SLC2A9: variants seen among roughly 807,000 people sequenced by gnomAD.
The protein encoded by SLC2A9 is solute carrier family 2 member 9.
Under a neutral mutation model 50.6 loss-of-function variants are expected in SLC2A9, and 39 were observed. The observed-to-expected ratio is 0.77, with a 90% confidence interval of 0.60 to 1.01. The LOEUF (loss-of-function observed/expected upper bound fraction) is 1.01, where lower values mean the gene tolerates loss of function less well. Ranked by LOEUF, SLC2A9 falls within the 50% of genes least tolerant of loss-of-function variation. The pLI is 0.00. For missense variants in SLC2A9, 686 were observed against 677.6 expected, an observed-to-expected ratio of 1.01 and a Z score of -0.14; for synonymous variants, 324 against 276.9, an observed-to-expected ratio of 1.17 and a Z score of -1.69.
chr4:9,993,136 T>C (rs1758002315), intron 3 of SLC2A9, among the ~76,000 whole-genome samples: 1 of 152,178 alleles, frequency 6.6e-6, no homozygotes, highest in South Asian at 2.1e-4. Context: ...TCAAAAATGT[T>C]TGTTTGGATA....
intron 8 of SLC2A9, among the ~76,000 whole-genome samples, chr4:9,898,743 C>T (rs1739049244): frequency 6.6e-6 from 1 of 152,174 alleles, no homozygotes; most frequent in African/African-American, 2.4e-5. Flanking sequence ...GCGCAGGGGC[C>T]CTAGAAGCCT....
At chr4:9,929,338 T>C (rs881971) in intron 6 of SLC2A9, among the ~76,000 whole-genome samples, 79,318 of 152,040 alleles carry the variant, frequency 0.52, 22,391 homozygotes, top group African/African-American at 0.73. Flanking sequence ...AGGTGCATCT[T>C]GGGGAGACTT....
intron 2 of SLC2A9, among the ~76,000 whole-genome samples, chr4:10,001,987 C>T (rs1010188710): frequency 2.0e-5 from 3 of 152,222 alleles, no homozygotes; most frequent in African/African-American, 4.8e-5. Flanking sequence ...GATGCTGGAA[C>T]TTTGATCAAG....
intron 3 of SLC2A9, among the ~76,000 whole-genome samples, chr4:9,990,821 A>G (rs1757574747): frequency 6.6e-6 from 1 of 152,118 alleles, no homozygotes; most frequent in Non-Finnish European, 1.5e-5. Flanking sequence ...TCCTTCTTCC[A>G]GAGTTCTTGC....
chr4:9,925,431 G>A (rs1744723621), intron 6 of SLC2A9, among the ~76,000 whole-genome samples: 1 of 152,192 alleles, frequency 6.6e-6, no homozygotes, highest in South Asian at 2.1e-4. Context: ...CCATTTAAGG[G>A]ATGCTGTGTT....
chr4:9,858,385 T>G (rs1471750727), intron 10 of SLC2A9, among the ~76,000 whole-genome samples: 2 of 152,246 alleles, frequency 1.3e-5, no homozygotes, highest in African/African-American at 2.4e-5. Flanking sequence ...GATGTTTCCA[T>G]GCATGCACTT....
At chr4:9,943,870 T>C (rs370586133) in intron 5 of SLC2A9, among the ~76,000 whole-genome samples, 13 of 152,242 alleles carry the variant, frequency 8.5e-5, no homozygotes, top group African/African-American at 3.1e-4. Context: ...ATGTGAGCCC[T>C]TCCCATGGCT....
intron 11 of SLC2A9, among the ~76,000 whole-genome samples, chr4:9,827,811 A>T (rs1048612953): frequency 6.6e-6 from 1 of 152,040 alleles, no homozygotes; most frequent in Non-Finnish European, 1.5e-5. Flanking sequence ...GAGAAGGGGG[A>T]GAGTATGGGC....
At chr4:9,814,276 G>C (rs1723269425) in intron 3 of SLC2A9, among the ~76,000 whole-genome samples, 1 of 152,206 alleles carries the variant, frequency 6.6e-6, no homozygotes, top group Admixed American at 6.5e-5. Context: ...CTTGAAGGTA[G>C]GTATTTGTTT....
chr4:9,820,946 T>G (rs1724311441), intron 3 of SLC2A9, among the ~76,000 whole-genome samples: 2 of 152,232 alleles, frequency 1.3e-5, no homozygotes, highest in African/African-American at 4.8e-5. Context: ...TTACACTGAC[T>G]TGAACTTCCA....
intron 10 of SLC2A9, among the ~76,000 whole-genome samples, chr4:9,881,550 G>A (rs1462050305): frequency 1.3e-5 from 2 of 152,186 alleles, no homozygotes; most frequent in African/African-American, 4.8e-5. Flanking sequence ...AAGTTAGAAA[G>A]AAAATATATT....
intron 10 of SLC2A9, among the ~76,000 whole-genome samples, chr4:9,877,294 C>G (rs1174529205): frequency 6.6e-6 from 1 of 152,206 alleles, no homozygotes; most frequent in Non-Finnish European, 1.5e-5. Flanking sequence ...CCATCCCAGG[C>G]AGGGAGACCT....
At chr4:10,029,570 T>TTTTATTTTA (rs1560510239) in intron 1 of SLC2A9, among the ~76,000 whole-genome samples, 23 of 122,542 alleles carry the variant, frequency 1.9e-4, no homozygotes, top group Non-Finnish European at 3.5e-4. Context: ...ATTTTATTTA[T>TTTTATTTTA]TTTATATTTT....
downstream of SLC2A9, among the ~76,000 whole-genome samples, chr4:9,797,345 G>C (rs1720712340): frequency 1.3e-5 from 2 of 152,192 alleles, no homozygotes; most frequent in Admixed American, 1.3e-4. Context: ...CCCATGGCTA[G>C]AAAATGGCTA....
chr4:9,804,919 A>T (rs1265647687), intron 3 of SLC2A9, among the ~76,000 whole-genome samples: 1 of 152,134 alleles, frequency 6.6e-6, no homozygotes, highest in African/African-American at 2.4e-5. Flanking sequence ...AGGGGTGGGG[A>T]CAGCCCTGTT....
chr4:9,855,300 T>C (rs1302470931), intron 10 of SLC2A9, among the ~76,000 whole-genome samples: 1 of 152,190 alleles, frequency 6.6e-6, no homozygotes, highest in Non-Finnish European at 1.5e-5. Context: ...ACCAGTAGCA[T>C]TTCTGTACAC....
chr4:9,778,463 T>C (rs1717873185), downstream of SLC2A9, among the ~76,000 whole-genome samples: 1 of 152,078 alleles, frequency 6.6e-6, no homozygotes, highest in Non-Finnish European at 1.5e-5. Flanking sequence ...GCAGGGATTG[T>C]TCTCTAGAAT....
chr4:9,868,704 G>A (rs538702482), intron 10 of SLC2A9, among the ~76,000 whole-genome samples: 1 of 152,270 alleles, frequency 6.6e-6, no homozygotes, highest in East Asian at 1.9e-4. Flanking sequence ...CCATACCTGT[G>A]GGATTAACTG....
chr4:10,004,789 C>T (rs1371491517), intron 2 of SLC2A9, among the ~76,000 whole-genome samples: 2 of 152,204 alleles, frequency 1.3e-5, no homozygotes, highest in South Asian at 2.1e-4. Flanking sequence ...TAGGCCAAGT[C>T]ATGAAGGCTT....
Sources: gnomAD v4.1 joint callset for allele counts (sites outside exome capture counted in the v4.1 genomes callset) on GRCh38, gnomAD v4.1.1 for gene constraint, MANE v1.5 for transcripts, NCBI Gene and HGNC (gene_info 2026-07-23, HGNC 2026-07-21) for gene names.